The following LARS2 variants were observed in gnomAD, a reference collection of about 807,000 sequenced individuals.
The protein encoded by LARS2 is leucyl-tRNA synthetase 2, mitochondrial.
A neutral mutation model predicts 116.6 loss-of-function variants in LARS2; 81 were observed. The ratio of observed to expected loss-of-function variants is 0.69; its 90% confidence interval spans 0.58 to 0.84. The LOEUF (loss-of-function observed/expected upper bound fraction) is 0.84. Among genes scored for constraint, LARS2 ranks in the 40% least tolerant of loss-of-function variants. The pLI, the probability that LARS2 is intolerant of heterozygous loss-of-function variation, is 0.00. For synonymous variants in LARS2, 396 were observed against 407.2 expected, an observed-to-expected ratio of 0.97 and a Z score of 0.33; for missense variants, 968 against 1,114.5, an observed-to-expected ratio of 0.87 and a Z score of 1.87.
At position 45,541,914 on chromosome 3, in the gene LARS2, G is replaced by T; in HGVS notation, c.2490G>T (p.Pro830=). The T allele has an allele frequency of 6.2e-7, 1 of 1,614,214 alleles. No individual in the cohort carries two copies. The change falls in exon 21 of 22, where the codon CCG becomes CCT. Residue 830 remains proline, a synonymous_variant. Coordinates refer to ENST00000645846, the MANE Select transcript of LARS2 (RefSeq NM_015340.4). ...VLLQAWPAVD[P]EFLQQPEVVQ... ...TCCAGGCATGGCCTGCTGTGGACCC[G>T]GAGTTCCTGCAGCAGCCTGAGGTTG...
chr3:45,451,489 CT>C (rs1275444131), intron 7 of LARS2, among the ~76,000 whole-genome samples: 7 of 151,924 alleles, frequency 4.6e-5, no homozygotes, highest in African/African-American at 1.7e-4. Flanking sequence ...TTTTTAGAAA[CT>C]TTGTCAAAAA....
In LARS2 at chr3:45,474,360, T is replaced by C. The variant is rs1286720489; in HGVS notation, c.858+10T>C. 2 of 1,528,192 alleles carry C rather than the reference T, an allele frequency of 1.3e-6. No homozygotes were observed. The highest frequency in any genetic ancestry group is 1.4e-5 in the African/African-American group (1 of 73,384). The allele number at this position is 1,528,192 out of a possible 1,614,324, so 94.7% of individuals were successfully genotyped here. The stretch of plus-strand genomic sequence containing the variant: ...GGACTTCACATTAAAGGTGATTAAG[T>C]AATAGCAGCTCCAGCAATTCATGAT... On this transcript the variant is annotated intron_variant, in intron 9 of 21. Coordinates refer to ENST00000645846, the MANE Select transcript of LARS2 (RefSeq NM_015340.4).
At chr3:45,470,649 A>C (rs942443852) in intron 8 of LARS2, among the ~76,000 whole-genome samples, 2 of 152,174 alleles carry the variant, frequency 1.3e-5, no homozygotes, top group African/African-American at 4.8e-5. Context: ...ATTATCTTGG[A>C]TCTGCTGCTG....
chr3:45,490,575 C>T (rs1431462908), intron 12 of LARS2, among the ~76,000 whole-genome samples: 1 of 152,156 alleles, frequency 6.6e-6, no homozygotes, highest in African/African-American at 2.4e-5. Flanking sequence ...AATGGGAGTG[C>T]AGAAAGACAC....
intron 8 of LARS2, among the ~76,000 whole-genome samples, chr3:45,460,816 G>C (rs1699309910): frequency 6.6e-6 from 1 of 152,152 alleles, no homozygotes; most frequent in African/African-American, 2.4e-5. Flanking sequence ...CCATGTATTA[G>C]AGTAGGGATG....
chr3:45,513,374 G>T, intron 16 of LARS2, 139 bp downstream of exon 16: 1 of 648,796 alleles, frequency 1.5e-6, no homozygotes, highest in Non-Finnish European at 2.8e-6. Flanking sequence ...AGGTCTCTAA[G>T]CCTCAGCTCC....
chr3:45,438,410 G>A (rs1473514263), intron 6 of LARS2, among the ~76,000 whole-genome samples: 1 of 152,062 alleles, frequency 6.6e-6, no homozygotes, highest in Non-Finnish European at 1.5e-5. Context: ...GCAGCTTTGG[G>A]TGAGTTTCCT....
chr3:45,473,603 C>G (rs994873599), intron 8 of LARS2, among the ~76,000 whole-genome samples: 2 of 151,478 alleles, frequency 1.3e-5, no homozygotes, highest in African/African-American at 4.8e-5. Flanking sequence ...AGGCTGGTCT[C>G]AAACACCTGA....
chr3:45,442,565 C>G (rs1262153848), intron 6 of LARS2, among the ~76,000 whole-genome samples: 2 of 152,156 alleles, frequency 1.3e-5, no homozygotes, highest in East Asian at 3.8e-4. Flanking sequence ...CAGTGAATAG[C>G]ATTATGCACA....
intron 6 of LARS2, among the ~76,000 whole-genome samples, chr3:45,431,711 A>AG (rs890428009): frequency 1.7e-4 from 26 of 152,122 alleles, no homozygotes; most frequent in Non-Finnish European, 3.1e-4. Flanking sequence ...CTACCAAAAA[A>AG]AAAAAATCAG....
intron 4 of LARS2, among the ~76,000 whole-genome samples, chr3:45,403,506 G>A (rs1398775349): frequency 2.0e-5 from 3 of 152,042 alleles, no homozygotes; most frequent in Non-Finnish European, 4.4e-5. Context: ...ATTAGAGACG[G>A]GGTTTCACCA....
At chr3:45,481,394 G>A (rs1364959511) in intron 10 of LARS2, among the ~76,000 whole-genome samples, 1 of 152,190 alleles carries the variant, frequency 6.6e-6, no homozygotes, top group Non-Finnish European at 1.5e-5. Context: ...GGGTAGAATT[G>A]CTGGGCCATG....
Position 45,401,813 on chromosome 3 carries a change from A to G in LARS2, c.363+1440A>G, listed in dbSNP as rs1006287061. On this transcript the variant is annotated intron_variant, in intron 4 of 21. Transcript: ENST00000645846. ...GTAATTTTTGTAGAGACAGGGTTTC[A>G]CCATGTTGTTCAGGCATGTCTTGAA... Among the ~76,000 whole-genome samples the G allele has an allele frequency of 5.3e-5, 8 of 152,126 alleles. No individual in the cohort carries two copies. The South Asian group carries it at 1.7e-3, about 32-fold the overall frequency.
At chr3:45,427,630 A>C (rs1033529039) in intron 6 of LARS2, among the ~76,000 whole-genome samples, 1 of 152,188 alleles carries the variant, frequency 6.6e-6, no homozygotes, top group African/African-American at 2.4e-5. Flanking sequence ...AGACTAGAGC[A>C]TAAAACGTGT....
intron 5 of LARS2, among the ~76,000 whole-genome samples, chr3:45,418,069 G>T (rs1698459120): frequency 6.6e-6 from 1 of 152,176 alleles, no homozygotes. Context: ...CTCCAAGGCG[G>T]AACACACTCG....
At chr3:45,441,374 A>G (rs565866632) in intron 6 of LARS2, among the ~76,000 whole-genome samples, 1 of 152,306 alleles carries the variant, frequency 6.6e-6, no homozygotes, top group African/African-American at 2.4e-5. Flanking sequence ...TTTTTCCTGC[A>G]AGCCCAGCCG....
intron 21 of LARS2, among the ~76,000 whole-genome samples, chr3:45,544,911 T>A (rs1179047809): frequency 6.9e-6 from 1 of 145,916 alleles, no homozygotes; most frequent in African/African-American, 2.6e-5. Flanking sequence ...GCCAGGGAGG[T>A]ACTGGAGCAG....
At chr3:45,445,914 A>T (rs1699010409) in intron 6 of LARS2, among the ~76,000 whole-genome samples, 1 of 152,162 alleles carries the variant, frequency 6.6e-6, no homozygotes, top group Non-Finnish European at 1.5e-5. Flanking sequence ...TACGCTTTCT[A>T]TCAAAAGTTT....
At chr3:45,523,056 G>A (rs1011917075) in intron 19 of LARS2, among the ~76,000 whole-genome samples, 1 of 152,120 alleles carries the variant, frequency 6.6e-6, no homozygotes, top group African/African-American at 2.4e-5. Flanking sequence ...ATAATTATGA[G>A]TAGTTTTTCA....
Sources: gnomAD v4.1 joint callset for allele counts (sites outside exome capture counted in the v4.1 genomes callset) on GRCh38, gnomAD v4.1.1 for gene constraint, MANE v1.5 for transcripts, NCBI Gene and HGNC (gene_info 2026-07-23, HGNC 2026-07-21) for gene names.